POPDC1: variants seen among roughly 807,000 people sequenced by gnomAD.
The protein encoded by POPDC1 is popeye domain cAMP effector 1.
At chr6:105,124,238 C>T in the POPDC1 span, among the ~76,000 whole-genome samples, 56 of 151,886 alleles carry the variant, frequency 3.7e-4, no homozygotes, top group Admixed American at 2.8e-3. Context: ...AAAAATTAGC[C>T]GGGGGTGGTG....
chr6:105,106,025 G>A, the POPDC1 span, among the ~76,000 whole-genome samples: 1 of 152,066 alleles, frequency 6.6e-6, no homozygotes, highest in Admixed American at 6.5e-5. Context: ...TTTACAGTTG[G>A]GAGGCAGAGT....
At chr6:105,133,260 G>T in the POPDC1 span, 1 of 1,121,860 alleles carries the variant, frequency 8.9e-7, no homozygotes, top group Non-Finnish European at 1.3e-6. Flanking sequence ...CTTGCTATGG[G>T]CCTGACAAAG....
chr6:105,100,022 G>A, the POPDC1 span: 1 of 152,294 alleles, frequency 6.6e-6, no homozygotes, highest in South Asian at 2.1e-4. Context: ...TATCTTTCCA[G>A]CTTCAGGTTT....
At chr6:105,113,052 T>C in the POPDC1 span, among the ~76,000 whole-genome samples, 1 of 151,934 alleles carries the variant, frequency 6.6e-6, no homozygotes, top group Non-Finnish European at 1.5e-5. Context: ...CACCTCAGCC[T>C]CCCAAGTAGA....
At chr6:105,129,949 T>TGGGGAC in the POPDC1 span, among the ~76,000 whole-genome samples, 3 of 152,296 alleles carry the variant, frequency 2.0e-5, no homozygotes, top group East Asian at 5.8e-4. Flanking sequence ...CAAACACATT[T>TGGGGAC]TAGAACTACC....
the POPDC1 span, among the ~76,000 whole-genome samples, chr6:105,115,388 G>A: frequency 6.6e-6 from 1 of 152,194 alleles, no homozygotes; most frequent in Non-Finnish European, 1.5e-5. Flanking sequence ...AAAGTGCTGG[G>A]ATTACAGGCG....
the POPDC1 span, chr6:105,133,373 G>A: frequency 1.2e-6 from 2 of 1,613,170 alleles, no homozygotes; most frequent in South Asian, 1.1e-5. Context: ...ATTCCCCTAA[G>A]AAATATCATA....
At chr6:105,129,616 AC>A in the POPDC1 span, 8 of 1,030,180 alleles carry the variant, frequency 7.8e-6, no homozygotes, top group Non-Finnish European at 1.1e-5. Flanking sequence ...TGAAGGTGAT[AC>A]TTTGCAAGAC....
the POPDC1 span, among the ~76,000 whole-genome samples, chr6:105,109,763 C>CAAAA: frequency 2.8e-3 from 65 of 22,872 alleles, 10 homozygotes; most frequent in Non-Finnish European, 4.1e-3. Flanking sequence ...GACCCTTTCT[C>CAAAA]AAAAAAAAAA....
the POPDC1 span, chr6:105,097,402 T>C: frequency 2.0e-5 from 3 of 152,072 alleles, no homozygotes; most frequent in Non-Finnish European, 4.4e-5. Context: ...AAACGCAAAA[T>C]GGTGAGGCCT....
At chr6:105,129,015 A>C in the POPDC1 span, among the ~76,000 whole-genome samples, 3 of 152,226 alleles carry the variant, frequency 2.0e-5, no homozygotes, top group Admixed American at 2.0e-4. Flanking sequence ...CTATTTGTAA[A>C]TCATTAGAAT....
At chr6:105,131,108 C>T in the POPDC1 span, among the ~76,000 whole-genome samples, 1 of 152,122 alleles carries the variant, frequency 6.6e-6, no homozygotes, top group African/African-American at 2.4e-5. Context: ...TAAAATAAAA[C>T]TATCATGAAG....
At chr6:105,136,526 A>T in the POPDC1 span, 3 of 152,236 alleles carry the variant, frequency 2.0e-5, no homozygotes, top group Admixed American at 6.5e-5. Context: ...GCGCGGCTCG[A>T]GGCGGCCCTA....
chr6:105,115,290 G>T, the POPDC1 span, among the ~76,000 whole-genome samples: 2 of 152,070 alleles, frequency 1.3e-5, no homozygotes, highest in Non-Finnish European at 2.9e-5. Context: ...GGGTTTCACC[G>T]TATTAGTCAG....
the POPDC1 span, among the ~76,000 whole-genome samples, chr6:105,108,605 G>T: frequency 2.0e-5 from 3 of 152,142 alleles, no homozygotes; most frequent in Non-Finnish European, 2.9e-5. Flanking sequence ...AACAACTTTA[G>T]GGGAAAAAAG....
chr6:105,123,776 C>T, the POPDC1 span, among the ~76,000 whole-genome samples: 1 of 152,272 alleles, frequency 6.6e-6, no homozygotes, highest in South Asian at 2.1e-4. Context: ...TCGTTCTTTC[C>T]CCTTAAACAT....
At chr6:105,131,198 AT>A in the POPDC1 span, among the ~76,000 whole-genome samples, 5 of 152,220 alleles carry the variant, frequency 3.3e-5, no homozygotes, top group Non-Finnish European at 5.9e-5. Context: ...TTTTTATTTC[AT>A]AAGAATGATT....
chr6:105,116,223 G>A, the POPDC1 span, among the ~76,000 whole-genome samples: 2 of 152,072 alleles, frequency 1.3e-5, no homozygotes, highest in Non-Finnish European at 2.9e-5. Flanking sequence ...AAAAAGATAC[G>A]GGAAAATTAA....
chr6:105,103,379 A>C, the POPDC1 span, among the ~76,000 whole-genome samples: 1 of 152,318 alleles, frequency 6.6e-6, no homozygotes, highest in South Asian at 2.1e-4. Context: ...ATTGCTCATA[A>C]GAATGGCCAA....
Sources: gnomAD v4.1 joint callset for allele counts (sites outside exome capture counted in the v4.1 genomes callset) on GRCh38, gnomAD v4.1.1 for gene constraint, MANE v1.5 for transcripts, NCBI Gene and HGNC (gene_info 2026-07-23, HGNC 2026-07-21) for gene names.